MGAT5B: variants seen among roughly 807,000 people sequenced by gnomAD.
MGAT5B encodes alpha-1,6-mannosylglycoprotein 6-beta-N-acetylglucosaminyltransferase B.
MGAT5B carries 54 observed loss-of-function variants against 95.1 expected under a neutral mutation model. That is an observed-to-expected ratio of 0.57 (90% CI 0.46 to 0.71). The LOEUF (loss-of-function observed/expected upper bound fraction) is 0.71. Among genes scored for constraint, MGAT5B ranks in the 30% least tolerant of loss-of-function variants. The pLI, the probability that MGAT5B is intolerant of heterozygous loss-of-function variation, is 0.00. For synonymous variants in MGAT5B, 464 were observed against 451.0 expected (o/e 1.03, Z -0.36); for missense variants, 935 against 1,088.6 (o/e 0.86, Z 1.99).
intron 8 of MGAT5B, among the ~76,000 whole-genome samples, chr17:76,919,353 G>A (rs1011428856): frequency 2.0e-5 from 3 of 152,188 alleles, no homozygotes; most frequent in Non-Finnish European, 4.4e-5. Flanking sequence ...GAGAAGATGG[G>A]ACCTCAGCCC....
chr17:76,944,243 C>G (rs566633149), intron 15 of MGAT5B: 14 of 107,066 alleles, frequency 1.3e-4, no homozygotes, highest in Admixed American at 1.1e-3. Flanking sequence ...GCAGGCGGAA[C>G]GTCGTCGTCG....
At chr17:76,937,907 C>G in intron 12 of MGAT5B, 81 bp from the exon 13 acceptor site, 2 of 1,546,862 alleles carry the variant, frequency 1.3e-6, no homozygotes, top group Non-Finnish European at 1.8e-6. Flanking sequence ...CTTCTGACTT[C>G]CAGACCAAAG....
intron 8 of MGAT5B, among the ~76,000 whole-genome samples, chr17:76,913,130 TGGC>T (rs1968803064): frequency 6.6e-6 from 1 of 152,214 alleles, no homozygotes; most frequent in Non-Finnish European, 1.5e-5. Context: ...GGACAACTCC[TGGC>T]TGTCAAGCAT....
At chr17:76,891,720 C>T (rs1967877531) in intron 3 of MGAT5B, among the ~76,000 whole-genome samples, 1 of 152,202 alleles carries the variant, frequency 6.6e-6, no homozygotes, top group Non-Finnish European at 1.5e-5. Flanking sequence ...TGTGGGGACA[C>T]AGACATGGTT....
intron 10 of MGAT5B, among the ~76,000 whole-genome samples, chr17:76,932,036 C>T (rs1418622231): frequency 4.6e-5 from 7 of 151,268 alleles, no homozygotes; most frequent in Non-Finnish European, 7.4e-5. Flanking sequence ...TCCTCCTGTT[C>T]CTCCTCCTCC....
Position 76,916,538 on chromosome 17 carries a change from G to T in MGAT5B, c.1026-8428G>T, listed in dbSNP as rs528006024. Reference sequence around the variant, plus strand: ...CAGACCAGGCCCTCGGCTCATACCCGTAACCCCAGCACTTTGGGAGGCTGG... The same window carrying T: ...CAGACCAGGCCCTCGGCTCATACCCTTAACCCCAGCACTTTGGGAGGCTGG... On this transcript the variant is annotated intron_variant, in intron 8 of 17. Coordinates refer to ENST00000569840, the MANE Select transcript of MGAT5B (RefSeq NM_001199172.2). The surrounding 1 kb of genome is among the most constrained non-coding windows in gnomAD (Gnocchi z 5.3). 6.6e-6 allele frequency among the ~76,000 whole-genome samples: 1 copy of T among 152,164 alleles called. No individual in the cohort carries two copies. The highest frequency in any genetic ancestry group is 1.5e-5 in the Non-Finnish European group (1 of 68,026).
rs777380657 is a variant in MGAT5B at position 76,930,758 on chromosome 17, G to A, written c.1292-1887G>A. The stretch of plus-strand genomic sequence containing the variant: ...ATAAGTCAAATGGCGAGGAAATCCC[G>A]GGGCAATCCCTGCTGTAACAGAGAC... On this transcript the variant is annotated intron_variant, in intron 10 of 17. Transcript: ENST00000569840. This position sits in a 1 kb window ranked among gnomAD's most constrained non-coding sequence, Gnocchi z 4.1. Among the ~76,000 whole-genome samples, 19 of 152,164 alleles carry A rather than the reference G, an allele frequency of 1.2e-4. No individual in the cohort carries two copies. Among genetic ancestry groups the A allele is most frequent in the Non-Finnish European group, 2.8e-4 (19 of 68,022 alleles).
chr17:76,887,920 T>C (rs557306359), intron 3 of MGAT5B, among the ~76,000 whole-genome samples: 78 of 151,920 alleles, frequency 5.1e-4, no homozygotes, highest in East Asian at 2.0e-3. Context: ...CGCTCCCTCA[T>C]GGCCCCCCAG....
chr17:76,877,492 A>ATGGCTC (rs915797243), intron 2 of MGAT5B, among the ~76,000 whole-genome samples: 2 of 152,124 alleles, frequency 1.3e-5, no homozygotes, highest in African/African-American at 2.4e-5. Context: ...GGCTCTGTGG[A>ATGGCTC]TGGCTCTGGC....
At chr17:76,886,960 C>T (rs1213006441) in intron 3 of MGAT5B, among the ~76,000 whole-genome samples, 2 of 152,170 alleles carry the variant, frequency 1.3e-5, no homozygotes, top group African/African-American at 2.4e-5. Flanking sequence ...AGGAGAATCG[C>T]TTGAAGCTGA....
At position 76,905,810 on chromosome 17, in the gene MGAT5B, A is replaced by G. The variant is rs908173464; in HGVS notation, c.856-208A>G. Among the ~76,000 whole-genome samples the G allele has an allele frequency of 3.2e-4, 48 of 148,098 alleles. 1 individual carries two copies. The highest frequency in any genetic ancestry group is 2.8e-4 in the Admixed American group (4 of 14,430). On this transcript the variant is annotated intron_variant, in intron 7 of 17. Coordinates refer to ENST00000569840, the MANE Select transcript of MGAT5B (RefSeq NM_001199172.2). This position sits in a 1 kb window ranked among gnomAD's most constrained non-coding sequence, Gnocchi z 4.2. ...GTTGTCTACCTCTTCCATCTGGAAC[A>G]TTAGCTCCATGAGGGCAAGCACGTG...
At position 76,915,737 on chromosome 17, in the gene MGAT5B, G is replaced by A. The variant is rs373196434; in HGVS notation, c.1026-9229G>A. On this transcript the variant is annotated intron_variant, in intron 8 of 17. Transcript: ENST00000569840. This position sits in a 1 kb window ranked among gnomAD's most constrained non-coding sequence, Gnocchi z 8.7. ...TGCATCACCCTCCCCGTTCCAAGAG[G>A]AGGCACGAGAGGCCGACGATTACAA... Among the ~76,000 whole-genome samples the A allele has an allele frequency of 6.6e-6, 1 of 152,202 alleles. No homozygotes were observed. The highest frequency in any genetic ancestry group is 2.1e-4 in the South Asian group (1 of 4,832).
chr17:76,903,041 C>T (rs569234), intron 4 of MGAT5B, among the ~76,000 whole-genome samples: 20,364 of 151,906 alleles, frequency 0.13, 1,774 homozygotes, highest in African/African-American at 0.22. Flanking sequence ...GGGATGCTTT[C>T]GGGTGGGTGC....
chr17:76,895,561 C>A (rs563026359), intron 3 of MGAT5B, among the ~76,000 whole-genome samples: 32 of 152,280 alleles, frequency 2.1e-4, no homozygotes, highest in African/African-American at 7.0e-4. Flanking sequence ...AGGATCTGTT[C>A]CAGGCCCTGC....
intron 3 of MGAT5B, among the ~76,000 whole-genome samples, chr17:76,893,070 C>G (rs752101392): frequency 7.2e-5 from 11 of 152,150 alleles, no homozygotes; most frequent in Non-Finnish European, 1.5e-4. Context: ...TCACCTGTTA[C>G]TGCACGCACA....
intron 3 of MGAT5B, among the ~76,000 whole-genome samples, chr17:76,885,453 G>C (rs556724149): frequency 8.5e-4 from 129 of 152,316 alleles, no homozygotes; most frequent in African/African-American, 3.0e-3. Context: ...AGGTCCAGTG[G>C]ACCCCTGGAC....
chr17:76,904,536 T>C (rs1968446629), intron 6 of MGAT5B, 114 bp downstream of exon 6: 1 of 1,255,394 alleles, frequency 8.0e-7, no homozygotes, highest in Admixed American at 2.4e-5. Context: ...TTGCCAGGTG[T>C]GTGGGCAGGT....
Position 76,872,811 on chromosome 17 carries a change from C to G in MGAT5B, c.69-40C>G, listed in dbSNP as rs766447724. On this transcript the variant is annotated intron_variant, in intron 1 of 17. Coordinates refer to ENST00000569840, the MANE Select transcript of MGAT5B (RefSeq NM_001199172.2). ...GTGGTGGAGCGTCAGGGCACGATGGCCCTTCCTGCCCTCCTGACCCGCCTC... is the reference window on the plus strand; with the variant it reads ...GTGGTGGAGCGTCAGGGCACGATGGGCCTTCCTGCCCTCCTGACCCGCCTC... 8 of 1,613,970 alleles carry G rather than the reference C, an allele frequency of 5.0e-6. No homozygotes were observed. The East Asian group carries it at 1.8e-4, about 36-fold the overall frequency.
At chr17:76,878,249 G>A (rs369216495) in intron 2 of MGAT5B, among the ~76,000 whole-genome samples, 31 of 152,148 alleles carry the variant, frequency 2.0e-4, no homozygotes, top group African/African-American at 7.2e-4. Flanking sequence ...GTACCCCGAG[G>A]GCTCATTGGG....
Sources: gnomAD v4.1 joint callset for allele counts (sites outside exome capture counted in the v4.1 genomes callset) on GRCh38, gnomAD v4.1.1 for gene constraint, Gnocchi (gnomAD v3.1) non-coding constraint, MANE v1.5 for transcripts, NCBI Gene and HGNC (gene_info 2026-07-23, HGNC 2026-07-21) for gene names.